VPS13D: variants seen among roughly 807,000 people sequenced by gnomAD.
The protein encoded by VPS13D is vacuolar protein sorting 13 homolog D.
VPS13D carries 187 observed loss-of-function variants against 461.9 expected under a neutral mutation model. That is an observed-to-expected ratio of 0.40 (90% CI 0.36 to 0.46). VPS13D has a LOEUF of 0.46. VPS13D is among the 20% of genes least tolerant of loss of function. The pLI is 0.60. For missense variants in VPS13D, 4,711 were observed against 5,364.9 expected, an observed-to-expected ratio of 0.88 and a Z score of 3.81; for synonymous variants, 1,951 against 1,986.3, an observed-to-expected ratio of 0.98 and a Z score of 0.47.
chr1:12,307,207 T>C (rs1642591131), intron 26 of VPS13D, among the ~76,000 whole-genome samples: 1 of 152,220 alleles, frequency 6.6e-6, no homozygotes, highest in African/African-American at 2.4e-5. Context: ...GTGCTACTTA[T>C]AGACTAATGA....
chr1:12,482,863 C>G (rs959262526), intron 67 of VPS13D, among the ~76,000 whole-genome samples: 22 of 150,136 alleles, frequency 1.5e-4, no homozygotes, highest in African/African-American at 4.9e-4. Flanking sequence ...ATCTTTTTCA[C>G]TCCACAATGG....
intron 30 of VPS13D, among the ~76,000 whole-genome samples, chr1:12,314,556 G>C (rs1167427745): frequency 2.0e-5 from 3 of 152,170 alleles, no homozygotes; most frequent in Admixed American, 2.0e-4. Flanking sequence ...AAGTAGTTAA[G>C]AATTGAGCCT....
chr1:12,247,703 ATTTTTTTT>A lies in VPS13D; in HGVS notation c.448-1509_448-1502del, dbSNP rs778720883. On this transcript the variant is annotated intron_variant, in intron 5 of 69. Transcript: ENST00000620676. ...ATGTCTATTTGAATCCTTTGCCACA[ATTTTTTTT>A]TTTTTTTTTTGAGACGGAGTCTCCC... is the stretch of plus-strand genomic sequence containing the variant. Among the ~76,000 whole-genome samples, 683 of 131,316 alleles carry A rather than the reference ATTTTTTTT, an allele frequency of 5.2e-3. 4 individuals carry two copies. The highest frequency in any genetic ancestry group is 0.019 in the African/African-American group (658 of 35,450). The allele number at this position is 131,316 out of a possible 152,430, so 86.1% of individuals were successfully genotyped here.
intron 60 of VPS13D, among the ~76,000 whole-genome samples, chr1:12,394,307 C>T (rs1476424053): frequency 6.6e-6 from 1 of 152,130 alleles, no homozygotes; most frequent in Non-Finnish European, 1.5e-5. Flanking sequence ...AGTAGGAATG[C>T]AGCAGGCTTC....
chr1:12,364,367 T>C (rs1030702335), intron 52 of VPS13D, among the ~76,000 whole-genome samples: 5 of 152,178 alleles, frequency 3.3e-5, no homozygotes, highest in African/African-American at 9.7e-5. Flanking sequence ...TCAATGTCCA[T>C]ATTAACATTT....
At chr1:12,351,750 A>C (rs948843472) in intron 46 of VPS13D, among the ~76,000 whole-genome samples, 7 of 143,932 alleles carry the variant, frequency 4.9e-5, no homozygotes, top group Non-Finnish European at 9.1e-5. Context: ...CACCACCACA[A>C]CCGGCTGATT....
In VPS13D at chr1:12,368,666, A is replaced by G. The variant is rs1462325158; in HGVS notation, c.10572+75A>G. ...TGGAGTGTGTACTGCCCTTGACACA[A>G]TGGTACAATACATTTTCAACTTGGG... On this transcript the variant is annotated intron_variant, in intron 53 of 69. Coordinates refer to ENST00000620676, the MANE Select transcript of VPS13D (RefSeq NM_015378.4). 5.3e-6 allele frequency: 8 copies of G among 1,500,874 alleles called. No homozygotes were observed. The Middle Eastern group carries it at 5.4e-4, about 102-fold the overall frequency. The allele number at this position is 1,500,874 out of a possible 1,614,324, so 93.0% of individuals were successfully genotyped here.
chr1:12,234,811 G>T (rs996277591), intron 2 of VPS13D, among the ~76,000 whole-genome samples: 3 of 152,180 alleles, frequency 2.0e-5, no homozygotes, highest in Non-Finnish European at 2.9e-5. Context: ...AGGATCAACT[G>T]GAATAACATT....
intron 63 of VPS13D, among the ~76,000 whole-genome samples, chr1:12,410,084 A>G (rs1483464775): frequency 1.3e-5 from 2 of 152,214 alleles, no homozygotes; most frequent in Non-Finnish European, 2.9e-5. Flanking sequence ...AGAGCTGGTA[A>G]TTGAAGGGCT....
At chr1:12,504,764 ATC>A (rs1218347398) in intron 68 of VPS13D, among the ~76,000 whole-genome samples, 5 of 152,136 alleles carry the variant, frequency 3.3e-5, no homozygotes, top group Admixed American at 3.3e-4. Context: ...GACTTGAACC[ATC>A]TGGGGCATCT....
intron 2 of VPS13D, 24 bp from the exon 3 acceptor site, chr1:12,242,489 T>C (rs1332175659): frequency 2.5e-6 from 4 of 1,606,046 alleles, no homozygotes; most frequent in Non-Finnish European, 3.4e-6. Flanking sequence ...AATGGATATT[T>C]CATGATGCTG....
intron 26 of VPS13D, among the ~76,000 whole-genome samples, chr1:12,306,223 A>G (rs908853166): frequency 3.9e-5 from 6 of 152,122 alleles, no homozygotes; most frequent in South Asian, 4.1e-4. Flanking sequence ...TGACCTCGTG[A>G]TCCGCCCCGA....
At chr1:12,322,770 A>G (rs761933086) in intron 34 of VPS13D, 24 bp downstream of exon 34, 1 of 1,606,260 alleles carries the variant, frequency 6.2e-7, no homozygotes, top group East Asian at 2.2e-5. Flanking sequence ...TATAAAACCC[A>G]CTCAGTCTTG....
intron 19 of VPS13D, 143 bp downstream of exon 19, chr1:12,278,181 A>G (rs1641671918): frequency 2.3e-6 from 2 of 876,046 alleles, no homozygotes; most frequent in East Asian, 5.5e-5. Context: ...AAGAGTTTTA[A>G]TAGAATGCCT....
Position 12,404,099 on chromosome 1 carries a change from T to C in VPS13D, c.12030+126T>C, listed in dbSNP as rs1570104972. On this transcript the variant is annotated intron_variant, in intron 63 of 69. Coordinates refer to ENST00000620676, the MANE Select transcript of VPS13D (RefSeq NM_015378.4). ...TTTTTTTGTCCCTCATCATCATTCA[T>C]AGCAGACATTTTATTTTTACAGATT... The C allele has an allele frequency of 9.1e-6, 6 of 662,632 alleles. No homozygotes were observed. In the East Asian group the frequency reaches 2.1e-4, roughly 24 times the overall value. 41.0% of individuals were successfully genotyped at this position (662,632 alleles called of 1,614,324 possible). A position where few individuals can be genotyped will look rare whatever the true frequency, so the allele number is the denominator to read the frequency against.
Position 12,276,968 on chromosome 1 carries a change from A to C in VPS13D, c.3380A>C (p.Gln1127Pro), listed in dbSNP as rs1165749361. The part of the protein sequence containing the change: ...ETIVELIGFL[Q>P]KSFPKEKDDL... ...ATTGTGGAGCTAATTGGTTTTCTTC[A>C]AAAATCCTTTCCCAAGGAAAAAGAT... The change falls in exon 19 of 70, where the codon CAA (glutamine) becomes CCA (proline). Residue 1127 changes from glutamine (Q) to proline (P), a missense_variant. Physicochemically the swap from Gln to Pro is moderately conservative, Grantham distance 76. Transcript: ENST00000620676. This position sits in a 1 kb window ranked among gnomAD's most constrained non-coding sequence, Gnocchi z 4.5. The C allele has an allele frequency of 6.2e-7, 1 of 1,613,986 alleles. No individual in the cohort carries two copies. The highest frequency in any genetic ancestry group is 8.5e-7 in the Non-Finnish European group (1 of 1,180,022).
At chr1:12,345,569 C>T in intron 43 of VPS13D, 60 bp downstream of exon 43, 1 of 1,567,678 alleles carries the variant, frequency 6.4e-7, no homozygotes, top group Non-Finnish European at 8.7e-7. Context: ...GATGGTTAAG[C>T]CTGTAATAAG....
intron 39 of VPS13D, chr1:12,336,236 G>C (rs1254593150): frequency 5.5e-6 from 1 of 183,428 alleles, no homozygotes; most frequent in African/African-American, 2.4e-5. Context: ...GAGATAGAGG[G>C]TTTGGACATA....
At chr1:12,412,709 C>T (rs557987515) in intron 63 of VPS13D, among the ~76,000 whole-genome samples, 13 of 152,164 alleles carry the variant, frequency 8.5e-5, no homozygotes, top group South Asian at 6.2e-4. Context: ...TATAAGTAAA[C>T]GTGGGAATAT....
Sources: allele counts gnomAD v4.1 joint callset (sites outside exome capture counted in the v4.1 genomes callset), GRCh38; gene constraint gnomAD v4.1.1; non-coding constraint Gnocchi (gnomAD v3.1); transcripts MANE v1.5; gene names NCBI Gene and HGNC (gene_info 2026-07-23, HGNC 2026-07-21).